Variants in EGF observed in about 807,000 individuals in gnomAD.
EGF encodes the protein epidermal growth factor, also known as pro-epidermal growth factor.
In EGF, 95 loss-of-function variants were observed where a neutral mutation model predicts 143.8. That is an observed-to-expected ratio of 0.66 (90% CI 0.56 to 0.78). EGF has a LOEUF of 0.78. EGF is among the 30% of genes least tolerant of loss of function. EGF has a pLI of 0.00. For missense variants in EGF, 1,320 were observed against 1,470.9 expected (o/e 0.90, Z 1.68); for synonymous variants, 510 against 510.5 (o/e 1.00, Z 0.01).
rs1370572827 is a variant in EGF at position 110,012,608 on chromosome 4, T to C, written c.*1153T>C. On this transcript the variant is annotated 3_prime_UTR_variant, in exon 24 of 24. Transcript: ENST00000265171. ...GTTGCCCAGGCTGGTCTTGAACTCCTGGCCTCAAGCAAGGTCGTGCTGGTA... is the reference window on the plus strand; with the variant it reads ...GTTGCCCAGGCTGGTCTTGAACTCCCGGCCTCAAGCAAGGTCGTGCTGGTA... 6.6e-6 allele frequency among the ~76,000 whole-genome samples: 1 copy of C among 152,178 alleles called. No individual in the cohort carries two copies. The highest frequency in any genetic ancestry group is 1.5e-5 in the Non-Finnish European group (1 of 68,036).
At position 109,920,133 on chromosome 4, in the gene EGF, AG is replaced by A. The variant is rs368844762; in HGVS notation, c.127+6673del. ...AGTCAAACATTGAACCTCAGATGAAAGGTAACAAAGATTTCTTACCTGGAAA... is the reference window on the plus strand; with the variant it reads ...AGTCAAACATTGAACCTCAGATGAAAGTAACAAAGATTTCTTACCTGGAAA... On this transcript the variant is annotated intron_variant, in intron 1 of 23. Transcript: ENST00000265171. Among the ~76,000 whole-genome samples the A allele has an allele frequency of 5.3e-5, 8 of 151,810 alleles. No individual in the cohort carries two copies. The South Asian group carries it at 6.2e-4, about 12-fold the overall frequency.
intron 1 of EGF, among the ~76,000 whole-genome samples, chr4:109,921,563 A>G (rs1737788134): frequency 6.6e-6 from 1 of 151,528 alleles, no homozygotes; most frequent in African/African-American, 2.4e-5. Flanking sequence ...GCTTCTTCCC[A>G]GTGATGTAAG....
chr4:109,950,865 A>T (rs762047285), intron 5 of EGF, among the ~76,000 whole-genome samples: 19 of 152,128 alleles, frequency 1.2e-4, no homozygotes, highest in African/African-American at 2.7e-4. Flanking sequence ...TTCTCAGGGA[A>T]TGTGTTCTCA....
At position 110,011,050 on chromosome 4, in the gene EGF, A is replaced by AG. The variant is rs1185448495; in HGVS notation, c.3371-152_3371-151insG. The AG allele has an allele frequency of 1.2e-4, 107 of 893,774 alleles. No homozygotes were observed. The African/African-American group carries it at 1.7e-3, about 14-fold the overall frequency. The allele number at this position is 893,774 out of a possible 1,614,324, so 55.4% of individuals were successfully genotyped here. On this transcript the variant is annotated intron_variant, in intron 23 of 23. Coordinates refer to ENST00000265171, the MANE Select transcript of EGF (RefSeq NM_001963.6). ...GAGTGAGATGCTTATCAAAAAAAAA[A>AG]AGAGAAAAAAATGTGTCTAGAGTAG... is the stretch of plus-strand genomic sequence containing the variant.
chr4:109,960,720 T>C (rs1578264898), intron 6 of EGF, 147 bp from the exon 7 acceptor site: 1 of 833,634 alleles, frequency 1.2e-6, no homozygotes. Context: ...TTTTACCCTT[T>C]GCTAGAGTAT....
intron 18 of EGF, among the ~76,000 whole-genome samples, 180 bp from the exon 19 acceptor site, chr4:109,993,067 G>A (rs2126150989): frequency 6.6e-6 from 1 of 152,124 alleles, no homozygotes; most frequent in African/African-American, 2.4e-5. Context: ...TGCACCTTGT[G>A]CATGTGAACC....
intron 2 of EGF, among the ~76,000 whole-genome samples, chr4:109,942,101 G>A (rs1201180079): frequency 6.6e-6 from 1 of 152,160 alleles, no homozygotes; most frequent in Non-Finnish European, 1.5e-5. Context: ...AACAAGGATG[G>A]CTACTCATTA....
intron 20 of EGF, among the ~76,000 whole-genome samples, chr4:109,998,419 C>G (rs372463613): frequency 6.6e-6 from 1 of 152,218 alleles, no homozygotes; most frequent in Non-Finnish European, 1.5e-5. Context: ...GTGGAAAGAA[C>G]ATAGGCTTTG....
chr4:109,993,430 C>T lies in EGF; in HGVS notation c.2857+61C>T, dbSNP rs934643378. The T allele has an allele frequency of 6.2e-6, 10 of 1,603,078 alleles. No individual in the cohort carries two copies. In the Admixed American group the frequency reaches 1.3e-4, roughly 22 times the overall value. On this transcript the variant is annotated intron_variant, in intron 19 of 23. Transcript: ENST00000265171. ...ACTTGGCTCGGGGATATTCTATACC[C>T]TAATCTCTATTTGCATTAGAGATTC...
intron 16 of EGF, among the ~76,000 whole-genome samples, chr4:109,984,462 T>C (rs536127556): frequency 2.1e-4 from 32 of 152,290 alleles, no homozygotes; most frequent in African/African-American, 7.2e-4. Context: ...TTAGATTATA[T>C]ATACAGTCAT....
In EGF at chr4:109,959,572, C is replaced by T. The variant is rs971104372; in HGVS notation, c.1066+135C>T. 2.3e-6 allele frequency: 3 copies of T among 1,325,736 alleles called. No individual in the cohort carries two copies. The African/African-American group carries it at 4.3e-5, about 19-fold the overall frequency. The allele number at this position is 1,325,736 out of a possible 1,614,324, so 82.1% of individuals were successfully genotyped here. On this transcript the variant is annotated intron_variant, in intron 6 of 23. Coordinates refer to ENST00000265171, the MANE Select transcript of EGF (RefSeq NM_001963.6). Reference sequence around the variant, plus strand: ...AAAACCAACTTCAAGTCCATTCTCCCCGTCCCCCACACAACCCCTGAAGAC... The same window carrying T: ...AAAACCAACTTCAAGTCCATTCTCCTCGTCCCCCACACAACCCCTGAAGAC...
intron 1 of EGF, among the ~76,000 whole-genome samples, chr4:109,939,103 G>A (rs1047045029): frequency 1.4e-4 from 21 of 152,368 alleles, no homozygotes; most frequent in African/African-American, 4.1e-4. Context: ...GCTGCCTTTT[G>A]TTCAGATATG....
chr4:109,947,022 G>T (rs1279682991), intron 5 of EGF, among the ~76,000 whole-genome samples: 1 of 152,078 alleles, frequency 6.6e-6, no homozygotes, highest in Non-Finnish European at 1.5e-5. Context: ...GGGAGGCTGA[G>T]GCAGGAGGAT....
Position 109,913,344 on chromosome 4 carries a change from C to A in EGF, c.9C>A (p.Leu3=). The change falls in exon 1 of 24, where the codon CTC becomes CTA. Residue 3 remains leucine (L), a synonymous_variant. Coordinates refer to ENST00000265171, the MANE Select transcript of EGF (RefSeq NM_001963.6). ...TCAAACTCATCAAGATTATGCTGCT[C>A]ACTCTTATCATTCTGTTGCCAGTAG... ML[L]TLIILLPVVS... is the part of the protein sequence containing the mutation. The A allele has an allele frequency of 6.2e-7, 1 of 1,613,854 alleles. No individual in the cohort carries two copies. The highest frequency in any genetic ancestry group is 1.1e-5 in the South Asian group (1 of 91,038).
chr4:109,933,259 T>A (rs566231452), intron 1 of EGF, among the ~76,000 whole-genome samples: 1 of 152,254 alleles, frequency 6.6e-6, no homozygotes, highest in African/African-American at 2.4e-5. Context: ...ACAACTGCAG[T>A]GGAGCATGGG....
At position 110,012,768 on chromosome 4, in the gene EGF, G is replaced by A. The variant is rs1048610889; in HGVS notation, c.*1313G>A. 1.3e-5 allele frequency among the ~76,000 whole-genome samples: 2 copies of A among 152,022 alleles called. No homozygotes were observed. Among genetic ancestry groups the A allele is most frequent in the African/African-American group, 4.8e-5 (2 of 41,382 alleles). On this transcript the variant is annotated 3_prime_UTR_variant, in exon 24 of 24. Transcript: ENST00000265171. ...ACTCTGTAGATTAAAATTTCACATG[G>A]TGTTCTAATTAAATATTTTTCTTGC...
intron 1 of EGF, among the ~76,000 whole-genome samples, chr4:109,923,743 C>T (rs1353877595): frequency 6.6e-6 from 1 of 151,510 alleles, no homozygotes; most frequent in Non-Finnish European, 1.5e-5. Flanking sequence ...ACATCAGCTT[C>T]CTAAGTAGCT....
rs1745615094 is a variant in EGF at position 109,961,084 on chromosome 4, G to A, written c.1189+95G>A. On this transcript the variant is annotated intron_variant, in intron 7 of 23. Transcript: ENST00000265171. ...GATCTGGGTTGGTGATCTTCAATCA[G>A]CAGTGTGCATCATAATTACCTTTGA... is the stretch of plus-strand genomic sequence containing the variant. 5 of 1,370,538 alleles carry A rather than the reference G, an allele frequency of 3.6e-6. No homozygotes were observed. In the Admixed American group the frequency reaches 8.8e-5, roughly 24 times the overall value. 84.9% of individuals were successfully genotyped at this position (1,370,538 alleles called of 1,614,324 possible). A position where few individuals can be genotyped will look rare whatever the true frequency, so the allele number is the denominator to read the frequency against.
rs559894115 is a variant in EGF at position 109,913,320 on chromosome 4, C to T, written c.-16C>T. On this transcript the variant is annotated 5_prime_UTR_variant, in exon 1 of 24. Transcript: ENST00000265171. Reference sequence around the variant, plus strand: ...ATCAAGCTGTTTTCTTTTGAAAGTTCAAACTCATCAAGATTATGCTGCTCA... The same window carrying T: ...ATCAAGCTGTTTTCTTTTGAAAGTTTAAACTCATCAAGATTATGCTGCTCA... 55 of 1,613,316 alleles carry T rather than the reference C, an allele frequency of 3.4e-5. No homozygotes were observed. In the South Asian group the frequency reaches 5.8e-4, roughly 17 times the overall value.
Sources: allele counts gnomAD v4.1 joint callset (sites outside exome capture counted in the v4.1 genomes callset), GRCh38; gene constraint gnomAD v4.1.1; transcripts MANE v1.5; gene names NCBI Gene and HGNC (gene_info 2026-07-23, HGNC 2026-07-21).